Variants in MAP2K1 observed in about 807,000 individuals in gnomAD.
MAP2K1 encodes the protein dual specificity mitogen-activated protein kinase kinase 1.
In MAP2K1, 16 loss-of-function variants were observed where a neutral mutation model predicts 46.3. The observed-to-expected ratio is 0.35, with a 90% confidence interval of 0.23 to 0.52. MAP2K1 has a LOEUF of 0.52. Among genes scored for constraint, MAP2K1 ranks in the 20% least tolerant of loss-of-function variants. The pLI is 0.94. For missense variants in MAP2K1, 263 were observed against 497.1 expected, an observed-to-expected ratio of 0.53 and a Z score of 4.48; for synonymous variants, 183 against 185.6, an observed-to-expected ratio of 0.99 and a Z score of 0.11.
chr15:66,393,645 A>T (rs761075467), intron 1 of MAP2K1, among the ~76,000 whole-genome samples: 2 of 152,322 alleles, frequency 1.3e-5, no homozygotes, highest in South Asian at 4.1e-4. Flanking sequence ...AATCTTTACC[A>T]TGGTGGCCTA....
chr15:66,391,842 G>A (rs1380886302), intron 1 of MAP2K1, among the ~76,000 whole-genome samples: 1 of 152,044 alleles, frequency 6.6e-6, no homozygotes, highest in South Asian at 2.1e-4. Flanking sequence ...CTGGTTATGT[G>A]TATACCCTTG....
Position 66,490,759 on chromosome 15 carries a change from A to C in MAP2K1, c.*144A>C. ...AGAACACAGCATGTGCCAAGATTCT[A>C]CTCTTGTCATTTTTAATATTACTGT... On this transcript the variant is annotated 3_prime_UTR_variant, in exon 11 of 11. Transcript: ENST00000307102. 1.4e-6 allele frequency: 1 copy of C among 716,446 alleles called. No homozygotes were observed. The highest frequency in any genetic ancestry group is 1.5e-5 in the South Asian group (1 of 68,374). The allele number at this position is 716,446 out of a possible 1,614,324, so 44.4% of individuals were successfully genotyped here. A position where few individuals can be genotyped will look rare whatever the true frequency, so the allele number is the denominator to read the frequency against.
At chr15:66,490,173 G>A (rs1257162315) in intron 10 of MAP2K1, 7 of 514,598 alleles carry the variant, frequency 1.4e-5, no homozygotes, top group Admixed American at 3.2e-5. Context: ...AGCCATAGAC[G>A]GTGTATATAG....
At chr15:66,438,857 G>A (rs1484083196) in intron 3 of MAP2K1, among the ~76,000 whole-genome samples, 1 of 152,174 alleles carries the variant, frequency 6.6e-6, no homozygotes, top group Admixed American at 6.5e-5. Context: ...CTTGGGACTC[G>A]ATGGGGGAGG....
chr15:66,409,192 A>G (rs1021831830), intron 1 of MAP2K1, among the ~76,000 whole-genome samples: 1 of 151,852 alleles, frequency 6.6e-6, no homozygotes, highest in African/African-American at 2.4e-5. Context: ...ACATGAGGAA[A>G]CTGATTCTGG....
chr15:66,458,629 A>G (rs184399957), intron 5 of MAP2K1, among the ~76,000 whole-genome samples: 12 of 152,220 alleles, frequency 7.9e-5, no homozygotes, highest in Admixed American at 7.9e-4. Context: ...CGATCCTCTC[A>G]CCTCAGCCTT....
intron 1 of MAP2K1, among the ~76,000 whole-genome samples, chr15:66,405,972 G>T (rs2093395724): frequency 6.6e-6 from 1 of 152,218 alleles, no homozygotes; most frequent in African/African-American, 2.4e-5. Context: ...TACTTTGAAT[G>T]CAAGCAGCTG....
intron 5 of MAP2K1, among the ~76,000 whole-genome samples, chr15:66,462,411 T>A (rs1595875228): frequency 6.7e-6 from 1 of 148,700 alleles, no homozygotes; most frequent in African/African-American, 2.5e-5. Flanking sequence ...GAGACAGAAT[T>A]GCTTGAACCC....
At chr15:66,432,349 A>G (rs543619001) in intron 1 of MAP2K1, among the ~76,000 whole-genome samples, 67 of 152,334 alleles carry the variant, frequency 4.4e-4, no homozygotes, top group Middle Eastern at 3.4e-3. Flanking sequence ...CATAGGAGGT[A>G]GAGGAGGGAG....
In MAP2K1 at chr15:66,417,819, A is replaced by G. The variant is rs113343293; in HGVS notation, c.81-17208A>G. Among the ~76,000 whole-genome samples, 638 of 152,094 alleles carry G rather than the reference A, an allele frequency of 4.2e-3. 4 individuals carry two copies. Among genetic ancestry groups the G allele is most frequent in the Middle Eastern group, 0.01 (3 of 294 alleles). On this transcript the variant is annotated intron_variant, in intron 1 of 10. Transcript: ENST00000307102. ...GGGAAGCAAGTCTGGAGAATTGACA[A>G]TTTCTCCTGTGGACTAGAATTGGAG...
At chr15:66,420,798 T>C (rs2093437917) in intron 1 of MAP2K1, among the ~76,000 whole-genome samples, 1 of 108,560 alleles carries the variant, frequency 9.2e-6, no homozygotes, top group Non-Finnish European at 1.9e-5. Context: ...TGTGTGTATA[T>C]ATATGTGTAT....
At chr15:66,426,091 A>G (rs2093457671) in intron 1 of MAP2K1, among the ~76,000 whole-genome samples, 1 of 151,922 alleles carries the variant, frequency 6.6e-6, no homozygotes, top group Non-Finnish European at 1.5e-5. Flanking sequence ...CTGCCAATAC[A>G]TCACAACTCT....
At chr15:66,463,432 C>T (rs1467320358) in intron 5 of MAP2K1, among the ~76,000 whole-genome samples, 2 of 152,218 alleles carry the variant, frequency 1.3e-5, no homozygotes, top group East Asian at 3.9e-4. Flanking sequence ...GCCCATGACA[C>T]AGCCTCAGGA....
chr15:66,486,073 A>T lies in MAP2K1; in HGVS notation c.895+882A>T, dbSNP rs28710871. Among the ~76,000 whole-genome samples the T allele has an allele frequency of 2.6e-3, 400 of 151,804 alleles. 13 individuals carry two copies. The East Asian group carries it at 0.066, about 25-fold the overall frequency. ...GCCACCATGCCTGACTAATTTTTTT[A>T]ATTTTTTTGTATAGATGAGGTCTCA... On this transcript the variant is annotated intron_variant, in intron 7 of 10. Coordinates refer to ENST00000307102, the MANE Select transcript of MAP2K1 (RefSeq NM_002755.4).
intron 5 of MAP2K1, among the ~76,000 whole-genome samples, chr15:66,460,078 A>G (rs1481635195): frequency 6.6e-6 from 1 of 152,190 alleles, no homozygotes; most frequent in African/African-American, 2.4e-5. Context: ...GCTCCTGGCT[A>G]CATCTCTCTC....
chr15:66,426,975 A>C (rs1021111376), intron 1 of MAP2K1, among the ~76,000 whole-genome samples: 1 of 152,216 alleles, frequency 6.6e-6, no homozygotes, highest in African/African-American at 2.4e-5. Context: ...TCTTGCCTGC[A>C]TATAAACCCC....
rs761802630 is a variant in MAP2K1, at chr15:66,490,357, C to T, written c.1069-145C>T. ...CAGGTCTTTGGGCCTGCAGCTGGCC[C>T]CACTGTTGCTCAGGGGCAGGTGCCA... On this transcript the variant is annotated intron_variant, in intron 10 of 10. Transcript: ENST00000307102. 4.0e-5 allele frequency: 30 copies of T among 749,042 alleles called. No individual in the cohort carries two copies. The African/African-American group carries it at 4.9e-4, about 12-fold the overall frequency. 46.4% of individuals were successfully genotyped at this position (749,042 alleles called of 1,614,324 possible).
rs568067882 is a variant in MAP2K1, at chr15:66,403,296, T to C, written c.80+15869T>C. Among the ~76,000 whole-genome samples the C allele has an allele frequency of 2.0e-5, 3 of 152,322 alleles. No individual in the cohort carries two copies. In the East Asian group the frequency reaches 5.8e-4, roughly 29 times the overall value. The stretch of plus-strand genomic sequence containing the variant: ...TAAAAAAATTATTTTCAAGTAATTA[T>C]CTGAAGCTCTAGAAAAGGTTACCCC... On this transcript the variant is annotated intron_variant, in intron 1 of 10. Coordinates refer to ENST00000307102, the MANE Select transcript of MAP2K1 (RefSeq NM_002755.4).
intron 1 of MAP2K1, among the ~76,000 whole-genome samples, chr15:66,426,933 G>A (rs1044177434): frequency 2.6e-5 from 4 of 152,154 alleles, no homozygotes; most frequent in African/African-American, 9.7e-5. Flanking sequence ...TTAGCTTCTC[G>A]TGTTATATGG....
Sources: gnomAD v4.1 joint callset for allele counts (sites outside exome capture counted in the v4.1 genomes callset) on GRCh38, gnomAD v4.1.1 for gene constraint, MANE v1.5 for transcripts, NCBI Gene and HGNC (gene_info 2026-07-23, HGNC 2026-07-21) for gene names.